Variants in PCDHA9 observed in about 807,000 individuals in gnomAD.
PCDHA9 encodes protocadherin alpha-9.
In PCDHA9, 62 loss-of-function variants were observed where a neutral mutation model predicts 62.0. The ratio of observed to expected loss-of-function variants is 1.00; its 90% CI spans 0.81 to 1.23. The LOEUF (loss-of-function observed/expected upper bound fraction) is 1.23, where lower values mean the gene tolerates loss of function less well. Among genes scored for constraint, PCDHA9 ranks in the 50% most tolerant of loss-of-function variants. The pLI, the probability that PCDHA9 is intolerant of heterozygous loss-of-function variation, is 0.00. For synonymous variants in PCDHA9, 557 were observed against 567.6 expected (o/e 0.98, Z 0.27); for missense variants, 1,205 against 1,249.8 (o/e 0.96, Z 0.54).
chr5:140,853,323 A>T (rs191492772), intron 1 of PCDHA9: 1 of 984,966 alleles, frequency 1.0e-6, no homozygotes, highest in African/African-American at 1.8e-5. Context: ...TAATAAATTT[A>T]TCTTTTGAGG....
At chr5:140,925,108 G>GAAGGAA (rs2082318586) in intron 1 of PCDHA9, among the ~76,000 whole-genome samples, 1 of 124,702 alleles carries the variant, frequency 8.0e-6, no homozygotes, top group African/African-American at 3.3e-5. Context: ...GAAGGAAGGA[G>GAAGGAA]GGAAGGAAGG....
At chr5:140,928,099 C>T in intron 1 of PCDHA9, 5 of 1,614,204 alleles carry the variant, frequency 3.1e-6, no homozygotes, top group Non-Finnish European at 4.2e-6. Context: ...TGATGGGCCC[C>T]TGGACCGGGA....
At chr5:140,905,594 G>A (rs62384488) in intron 1 of PCDHA9, among the ~76,000 whole-genome samples, 48,024 of 151,986 alleles carry the variant, frequency 0.32, 7,949 homozygotes, top group East Asian at 0.53. Flanking sequence ...ATTTTGCTGG[G>A]AATTGCATTG....
At chr5:140,857,857 C>A (rs1415276512) in intron 1 of PCDHA9, 1 of 1,597,670 alleles carries the variant, frequency 6.3e-7, no homozygotes, top group Non-Finnish European at 8.6e-7. Flanking sequence ...CTGGATACAA[C>A]GCGTGGCTGT....
At chr5:140,852,756 G>A in intron 1 of PCDHA9, 1 of 983,910 alleles carries the variant, frequency 1.0e-6, no homozygotes, top group Non-Finnish European at 1.2e-6. Context: ...CTTGGACCCA[G>A]GTATCTGATT....
chr5:140,869,518 A>C, intron 1 of PCDHA9: 1 of 1,614,170 alleles, frequency 6.2e-7, no homozygotes, highest in East Asian at 2.2e-5. Flanking sequence ...CAGAGAACAA[A>C]AGCTGCTGAT....
intron 1 of PCDHA9, chr5:140,871,319 T>C (rs782385310): frequency 6.2e-7 from 1 of 1,614,040 alleles, no homozygotes; most frequent in Admixed American, 1.7e-5. Flanking sequence ...CCCACGCTGG[T>C]GTGCTCCCGC....
At chr5:140,855,376 A>T (rs1239693937) in intron 1 of PCDHA9, among the ~76,000 whole-genome samples, 1 of 150,012 alleles carries the variant, frequency 6.7e-6, no homozygotes, top group Non-Finnish European at 1.5e-5. Context: ...GATAATAGGA[A>T]TCTAAATGGA....
chr5:140,973,549 A>G (rs1040107774), intron 1 of PCDHA9, among the ~76,000 whole-genome samples: 2 of 152,230 alleles, frequency 1.3e-5, no homozygotes, highest in Non-Finnish European at 2.9e-5. Context: ...ATTTATTTCA[A>G]TTACCTCTTT....
At chr5:140,938,947 A>AT (rs1554212493) in intron 1 of PCDHA9, among the ~76,000 whole-genome samples, 1 of 152,094 alleles carries the variant, frequency 6.6e-6, no homozygotes, top group Non-Finnish European at 1.5e-5. Flanking sequence ...CATTCTTATA[A>AT]TGCTCTAGTC....
intron 1 of PCDHA9, chr5:140,866,669 T>C (rs571274167): frequency 6.6e-6 from 1 of 152,260 alleles, no homozygotes; most frequent in South Asian, 2.1e-4. Context: ...CAAGAAATAA[T>C]AGCACTAGGT....
At chr5:140,881,046 T>C (rs1554171694) in intron 1 of PCDHA9, among the ~76,000 whole-genome samples, 1 of 152,238 alleles carries the variant, frequency 6.6e-6, no homozygotes, top group African/African-American at 2.4e-5. Context: ...TATAGAGTTG[T>C]GCACAGAACA....
intron 1 of PCDHA9, among the ~76,000 whole-genome samples, chr5:140,961,831 T>G (rs1447917023): frequency 6.6e-6 from 1 of 152,194 alleles, no homozygotes; most frequent in African/African-American, 2.4e-5. Flanking sequence ...TGTAAGTTAT[T>G]TCAGTGCCTT....
chr5:140,901,352 G>T (rs1426715966), intron 1 of PCDHA9, among the ~76,000 whole-genome samples: 2 of 152,138 alleles, frequency 1.3e-5, no homozygotes, highest in East Asian at 3.8e-4. Flanking sequence ...TGATGTCTTA[G>T]ATTTAAGTCT....
intron 1 of PCDHA9, among the ~76,000 whole-genome samples, chr5:140,911,053 G>A (rs2075311912): frequency 6.6e-6 from 1 of 152,090 alleles, no homozygotes. Flanking sequence ...GGGGTGGTGG[G>A]GGGTGGGTCC....
At chr5:140,909,870 C>T (rs2074741279) in intron 1 of PCDHA9, among the ~76,000 whole-genome samples, 1 of 152,206 alleles carries the variant, frequency 6.6e-6, no homozygotes. Context: ...GAGTCAACGT[C>T]AGCTTAGAGA....
intron 1 of PCDHA9, chr5:140,865,473 G>C (rs1425429584): frequency 6.6e-6 from 1 of 152,122 alleles, no homozygotes; most frequent in African/African-American, 2.4e-5. Context: ...TAAACATTAA[G>C]GAAATCTTCA....
intron 1 of PCDHA9, chr5:140,856,833 G>T (rs1554149194): frequency 1.9e-6 from 3 of 1,591,548 alleles, no homozygotes; most frequent in Admixed American, 1.7e-5. Flanking sequence ...TTAGTAATAC[G>T]GCTCAACGCT....
intron 1 of PCDHA9, among the ~76,000 whole-genome samples, chr5:140,907,806 A>G (rs1046843294): frequency 2.6e-5 from 4 of 152,192 alleles, no homozygotes; most frequent in Non-Finnish European, 5.9e-5. Flanking sequence ...AGTGGTGTCC[A>G]CAGAACGAGT....
Sources: gnomAD v4.1 joint callset for allele counts (sites outside exome capture counted in the v4.1 genomes callset) on GRCh38, gnomAD v4.1.1 for gene constraint, MANE v1.5 for transcripts, NCBI Gene and HGNC (gene_info 2026-07-23, HGNC 2026-07-21) for gene names.